GPR158: variants seen among roughly 807,000 people sequenced by gnomAD.
GPR158 encodes the protein G protein-coupled receptor 158.
GPR158 carries 30 observed loss-of-function variants against 78.2 expected under a neutral mutation model. The ratio of observed to expected loss-of-function variants is 0.38; its 90% CI spans 0.29 to 0.52. GPR158 has a LOEUF of 0.52. GPR158 is among the 20% of genes least tolerant of loss of function. The probability of loss-of-function intolerance (pLI) is 0.83; values close to 1 mark genes in which losing one functional copy is unlikely to be tolerated. For synonymous variants in GPR158, 581 were observed against 591.1 expected (o/e 0.98, Z 0.25); for missense variants, 1,463 against 1,523.5 (o/e 0.96, Z 0.66).
At chr10:25,415,285 T>A (rs2130552824) in intron 4 of GPR158, among the ~76,000 whole-genome samples, 1 of 152,062 alleles carries the variant, frequency 6.6e-6, no homozygotes, top group Middle Eastern at 3.4e-3. Context: ...AGGAATAGTA[T>A]CCAGAATATA....
chr10:25,362,775 G>A (rs1375811274), intron 2 of GPR158, among the ~76,000 whole-genome samples: 1 of 151,796 alleles, frequency 6.6e-6, no homozygotes, highest in Non-Finnish European at 1.5e-5. Flanking sequence ...ACTGATTTCT[G>A]TGTGTTGATT....
intron 3 of GPR158, among the ~76,000 whole-genome samples, chr10:25,408,550 T>A (rs1834545434): frequency 6.6e-6 from 1 of 152,156 alleles, no homozygotes; most frequent in Non-Finnish European, 1.5e-5. Flanking sequence ...GTAGTCACCA[T>A]CCTCAGACCT....
chr10:25,407,099 T>C (rs1474465427), intron 3 of GPR158, among the ~76,000 whole-genome samples: 1 of 152,214 alleles, frequency 6.6e-6, no homozygotes, highest in Non-Finnish European at 1.5e-5. Context: ...TACACCTTCT[T>C]TTAGGAGTCG....
At chr10:25,503,214 A>C (rs1017267430) in intron 5 of GPR158, among the ~76,000 whole-genome samples, 4 of 151,996 alleles carry the variant, frequency 2.6e-5, no homozygotes, top group African/African-American at 9.7e-5. Context: ...GCAAAAAAAA[A>C]AAAAAAATTA....
At chr10:25,274,148 T>C (rs1049726776) in intron 2 of GPR158, among the ~76,000 whole-genome samples, 56 of 152,342 alleles carry the variant, frequency 3.7e-4, no homozygotes, top group African/African-American at 1.3e-3. Context: ...TTTTATTAAA[T>C]TTATTTACAC....
intron 5 of GPR158, among the ~76,000 whole-genome samples, chr10:25,508,330 CT>C (rs1836041010): frequency 6.6e-6 from 1 of 152,076 alleles, no homozygotes; most frequent in African/African-American, 2.4e-5. Flanking sequence ...GCATTCCTGT[CT>C]TTCAGGTCTG....
Position 25,505,093 on chromosome 10 carries a change from G to T in GPR158, c.1404+38374G>T, listed in dbSNP as rs533107417. 1.3e-5 allele frequency among the ~76,000 whole-genome samples: 2 copies of T among 152,188 alleles called. 1 individual carries two copies. Among genetic ancestry groups the T allele is most frequent in the South Asian group, 4.1e-4 (2 of 4,830 alleles). On this transcript the variant is annotated intron_variant, in intron 5 of 10. Coordinates refer to ENST00000376351, the MANE Select transcript of GPR158 (RefSeq NM_020752.3). ...TTATGAGGATTAAATTAGATGATAC[G>T]TGTAAAACTTAGAACTGTGCCTAAC...
intron 4 of GPR158, among the ~76,000 whole-genome samples, chr10:25,425,119 C>T (rs936924460): frequency 5.9e-5 from 9 of 152,006 alleles, no homozygotes; most frequent in Admixed American, 2.6e-4. Flanking sequence ...AAGCTAGATT[C>T]GTAGGTATTT....
intron 2 of GPR158, among the ~76,000 whole-genome samples, chr10:25,351,454 T>A (rs535669030): frequency 6.6e-6 from 1 of 151,756 alleles, no homozygotes; most frequent in South Asian, 2.1e-4. Flanking sequence ...GAAATGCCTA[T>A]CCTGGGATAT....
At chr10:25,283,495 G>A (rs1279926042) in intron 2 of GPR158, among the ~76,000 whole-genome samples, 10 of 151,858 alleles carry the variant, frequency 6.6e-5, no homozygotes, top group South Asian at 2.1e-4. Context: ...AATAACTCCC[G>A]GAAGCTTAGT....
rs540852190 is a variant in GPR158, at chr10:25,471,182, C to T, written c.1404+4463C>T. ...GTCCAACTGTTCTCATTGTTCAATT[C>T]CCACCTGTGAGTGAGAACATGTGGT... is the stretch of plus-strand genomic sequence containing the variant. On this transcript the variant is annotated intron_variant, in intron 5 of 10. Coordinates refer to ENST00000376351, the MANE Select transcript of GPR158 (RefSeq NM_020752.3). Among the ~76,000 whole-genome samples the T allele has an allele frequency of 1.9e-3, 287 of 148,602 alleles. 1 individual carries two copies. Among genetic ancestry groups the T allele is most frequent in the Non-Finnish European group, 3.2e-3 (217 of 67,450 alleles).
chr10:25,550,529 T>G (rs980914351), intron 5 of GPR158, among the ~76,000 whole-genome samples: 4 of 152,232 alleles, frequency 2.6e-5, no homozygotes, highest in African/African-American at 9.6e-5. Flanking sequence ...TTGTTCGTTT[T>G]GGACAATAAG....
At chr10:25,580,918 ATTT>A (rs201391296) in intron 7 of GPR158, among the ~76,000 whole-genome samples, 1 of 108,978 alleles carries the variant, frequency 9.2e-6, no homozygotes, top group African/African-American at 2.7e-5. Flanking sequence ...ATTTTATTTT[ATTT>A]TATTTTATTT....
chr10:25,572,592 G>C, intron 6 of GPR158, 57 bp from the exon 7 acceptor site: 1 of 1,068,782 alleles, frequency 9.4e-7, no homozygotes, highest in Non-Finnish European at 1.5e-6. Flanking sequence ...AGTTATTTTA[G>C]AGTTATACTT....
At chr10:25,387,289 G>A (rs990190343) in intron 2 of GPR158, among the ~76,000 whole-genome samples, 2 of 152,038 alleles carry the variant, frequency 1.3e-5, no homozygotes, top group Admixed American at 6.6e-5. Context: ...TGCTTTTTGT[G>A]TGTTTAACTA....
intron 2 of GPR158, among the ~76,000 whole-genome samples, chr10:25,338,747 T>C (rs1855262802): frequency 6.6e-6 from 1 of 150,852 alleles, no homozygotes; most frequent in South Asian, 2.1e-4. Context: ...TATTATTCTT[T>C]GAACTTTGCA....
intron 2 of GPR158, among the ~76,000 whole-genome samples, chr10:25,239,553 A>C (rs896051270): frequency 2.0e-5 from 3 of 151,884 alleles, no homozygotes; most frequent in Non-Finnish European, 4.4e-5. Flanking sequence ...GGTTGCAGTG[A>C]ATCAAGGTCA....
At position 25,484,602 on chromosome 10, in the gene GPR158, G is replaced by C. The variant is rs146171911; in HGVS notation, c.1404+17883G>C. On this transcript the variant is annotated intron_variant, in intron 5 of 10. Transcript: ENST00000376351. ...GACAGTGAGACAGTTTGAGTCGAAA[G>C]ATAAGAAATGTTGTCTCTGCAGCAA... is the stretch of plus-strand genomic sequence containing the variant. Among the ~76,000 whole-genome samples, 3 of 152,308 alleles carry C rather than the reference G, an allele frequency of 2.0e-5. No homozygotes were observed. The East Asian group carries it at 5.8e-4, about 29-fold the overall frequency.
At chr10:25,293,259 C>T (rs1003888470) in intron 2 of GPR158, among the ~76,000 whole-genome samples, 2 of 152,110 alleles carry the variant, frequency 1.3e-5, no homozygotes, top group African/African-American at 4.8e-5. Context: ...GTGGAAAAAC[C>T]TTTGTTGTAA....
Sources: allele counts gnomAD v4.1 joint callset (sites outside exome capture counted in the v4.1 genomes callset), GRCh38; gene constraint gnomAD v4.1.1; transcripts MANE v1.5; gene names NCBI Gene and HGNC (gene_info 2026-07-23, HGNC 2026-07-21).